The following DTNBP1 variants were observed in gnomAD, a reference collection of about 807,000 sequenced individuals.
DTNBP1 encodes the protein dystrobrevin binding protein 1.
Under a neutral mutation model 42.8 loss-of-function variants are expected in DTNBP1, and 35 were observed. The ratio of observed to expected loss-of-function variants is 0.82; its 90% confidence interval spans 0.63 to 1.09. The LOEUF (loss-of-function observed/expected upper bound fraction) is 1.09, where lower values mean the gene tolerates loss of function less well. Among genes scored for constraint, DTNBP1 ranks in the 50% least tolerant of loss-of-function variants. The pLI, the probability that DTNBP1 is intolerant of heterozygous loss-of-function variation, is 0.00. For missense variants in DTNBP1, 457 were observed against 424.2 expected (o/e 1.08, Z -0.68); for synonymous variants, 171 against 162.2 (o/e 1.05, Z -0.41).
intron 7 of DTNBP1, among the ~76,000 whole-genome samples, chr6:15,547,058 G>A (rs1373786197): frequency 6.6e-6 from 1 of 151,600 alleles, no homozygotes; most frequent in Non-Finnish European, 1.5e-5. Flanking sequence ...TTTAACTATG[G>A]AATTGGCCTA....
At chr6:15,562,296 T>G (rs372182570) in intron 7 of DTNBP1, among the ~76,000 whole-genome samples, 20 of 152,318 alleles carry the variant, frequency 1.3e-4, no homozygotes, top group African/African-American at 4.6e-4. Context: ...AACAATATCA[T>G]GTTGTGTTTT....
intron 6 of DTNBP1, among the ~76,000 whole-genome samples, chr6:15,596,658 C>A (rs999962881): frequency 2.0e-5 from 3 of 152,292 alleles, no homozygotes; most frequent in Middle Eastern, 3.4e-3. Flanking sequence ...AGCTTACATT[C>A]GCTCATAAGC....
intron 1 of DTNBP1, 101 bp from the exon 2 acceptor site, chr6:15,652,241 A>AGT: frequency 1.1e-6 from 1 of 903,422 alleles, no homozygotes; most frequent in Non-Finnish European, 1.7e-6. Context: ...GAGTGCAGTG[A>AGT]CATGTACATT....
chr6:15,567,979 T>C (rs1485685768), intron 7 of DTNBP1, among the ~76,000 whole-genome samples: 3 of 152,168 alleles, frequency 2.0e-5, no homozygotes. Context: ...TATAATATTA[T>C]CATTAAGCCC....
chr6:15,534,515 C>G (rs1773092371), intron 7 of DTNBP1, among the ~76,000 whole-genome samples: 1 of 151,996 alleles, frequency 6.6e-6, no homozygotes, highest in African/African-American at 2.4e-5. Flanking sequence ...CAAAAATTAG[C>G]CAGGCATGGT....
At chr6:15,642,584 T>A (rs1760437426) in intron 3 of DTNBP1, among the ~76,000 whole-genome samples, 1 of 152,138 alleles carries the variant, frequency 6.6e-6, no homozygotes, top group Admixed American at 6.5e-5. Flanking sequence ...GTCCACAAGA[T>A]GAGCCCCCTG....
At chr6:15,558,643 A>C (rs1240390783) in intron 7 of DTNBP1, among the ~76,000 whole-genome samples, 1 of 152,076 alleles carries the variant, frequency 6.6e-6, no homozygotes, top group Non-Finnish European at 1.5e-5. Flanking sequence ...AACTTCCAAC[A>C]CTCTCTTGAA....
intron 6 of DTNBP1, among the ~76,000 whole-genome samples, chr6:15,599,716 T>C (rs540492313): frequency 6.6e-6 from 1 of 152,162 alleles, no homozygotes; most frequent in Non-Finnish European, 1.5e-5. Context: ...TTTTCAAAAA[T>C]AAGCCTGCAA....
intron 8 of DTNBP1, among the ~76,000 whole-genome samples, chr6:15,527,420 T>TA (rs902201457): frequency 4.6e-5 from 7 of 152,284 alleles, no homozygotes; most frequent in African/African-American, 1.4e-4. Flanking sequence ...TAATTATTTT[T>TA]AAAAAACATT....
chr6:15,576,769 T>TA (rs34473285), intron 7 of DTNBP1, among the ~76,000 whole-genome samples: 16,315 of 98,862 alleles, frequency 0.17, 1,808 homozygotes, highest in African/African-American at 0.33. Context: ...ACTCTGTCTC[T>TA]AAAAAAAAAA....
At chr6:15,617,850 C>T (rs1334941289) in intron 5 of DTNBP1, among the ~76,000 whole-genome samples, 1 of 151,652 alleles carries the variant, frequency 6.6e-6, no homozygotes, top group African/African-American at 2.4e-5. Context: ...AAGACACAAG[C>T]GACAAAAGCA....
chr6:15,579,569 C>A (rs1198263190), intron 7 of DTNBP1, among the ~76,000 whole-genome samples: 2 of 152,186 alleles, frequency 1.3e-5, no homozygotes, highest in Non-Finnish European at 2.9e-5. Context: ...ACTTTGAAGG[C>A]CAAGGCGGGC....
At chr6:15,606,078 A>C (rs1416799680) in intron 6 of DTNBP1, among the ~76,000 whole-genome samples, 2 of 152,262 alleles carry the variant, frequency 1.3e-5, no homozygotes, top group Non-Finnish European at 2.9e-5. Context: ...TTTACTGCAC[A>C]AATGAAGTGG....
intron 1 of DTNBP1, among the ~76,000 whole-genome samples, chr6:15,654,976 G>C (rs533533464): frequency 4.6e-5 from 7 of 152,190 alleles, no homozygotes; most frequent in Non-Finnish European, 8.8e-5. Flanking sequence ...CATATCACAG[G>C]TATAGTAGGC....
intron 1 of DTNBP1, among the ~76,000 whole-genome samples, chr6:15,658,799 C>T (rs917681307): frequency 2.6e-5 from 4 of 152,210 alleles, no homozygotes; most frequent in African/African-American, 9.6e-5. Context: ...TGTGAACTCT[C>T]CAAAAGGCTC....
At chr6:15,661,897 C>G (rs1367761722) in intron 1 of DTNBP1, among the ~76,000 whole-genome samples, 1 of 152,070 alleles carries the variant, frequency 6.6e-6, no homozygotes, top group Non-Finnish European at 1.5e-5. Flanking sequence ...CATCATTATC[C>G]CCATTTTACG....
chr6:15,615,423 G>A (rs1758660268), intron 5 of DTNBP1, 24 bp from the exon 6 acceptor site: 2 of 1,612,776 alleles, frequency 1.2e-6, no homozygotes, highest in South Asian at 1.1e-5. Flanking sequence ...AAAATAAACA[G>A]ACCTCAAAAG....
intron 5 of DTNBP1, among the ~76,000 whole-genome samples, chr6:15,620,346 A>G (rs1342487956): frequency 6.6e-6 from 1 of 152,140 alleles, no homozygotes; most frequent in African/African-American, 2.4e-5. Flanking sequence ...AAAATGATGT[A>G]CTGCCATTTA....
At chr6:15,614,441 C>T (rs2113699538) in intron 6 of DTNBP1, among the ~76,000 whole-genome samples, 1 of 152,262 alleles carries the variant, frequency 6.6e-6, no homozygotes, top group South Asian at 2.1e-4. Flanking sequence ...ATGACTTCCG[C>T]TTCCTCCCAA....
Sources: allele counts gnomAD v4.1 joint callset (sites outside exome capture counted in the v4.1 genomes callset), GRCh38; gene constraint gnomAD v4.1.1; transcripts MANE v1.5; gene names NCBI Gene and HGNC (gene_info 2026-07-23, HGNC 2026-07-21).